THRAP3: variants seen among roughly 807,000 people sequenced by gnomAD.
THRAP3 encodes the protein thyroid hormone receptor associated protein 3.
A neutral mutation model predicts 101.0 loss-of-function variants in THRAP3; 16 were observed. The ratio of observed to expected loss-of-function variants is 0.16; its 90% CI spans 0.11 to 0.24. The LOEUF (loss-of-function observed/expected upper bound fraction) is 0.24, where lower values mean the gene tolerates loss of function less well. Among genes scored for constraint, THRAP3 ranks in the 10% least tolerant of loss-of-function variants. The probability of loss-of-function intolerance (pLI) is 1.00; values close to 1 mark genes in which losing one functional copy is unlikely to be tolerated. For synonymous variants in THRAP3, 407 were observed against 422.6 expected (o/e 0.96, Z 0.45); for missense variants, 989 against 1,202.7 (o/e 0.82, Z 2.63).
chr1:36,246,224 C>T (rs1483863734), intron 1 of THRAP3, among the ~76,000 whole-genome samples: 1 of 152,124 alleles, frequency 6.6e-6, no homozygotes, highest in Non-Finnish European at 1.5e-5. Context: ...AGTATTATAT[C>T]TGTGAGAATT....
intron 6 of THRAP3, among the ~76,000 whole-genome samples, chr1:36,292,304 C>T (rs1190442407): frequency 9.6e-4 from 84 of 87,624 alleles, no homozygotes; most frequent in African/African-American, 3.4e-3. Flanking sequence ...CGGAGTCTTG[C>T]TCTGTTGCCC....
chr1:36,238,834 T>C (rs951455896), intron 1 of THRAP3, among the ~76,000 whole-genome samples: 1 of 152,042 alleles, frequency 6.6e-6, no homozygotes, highest in Middle Eastern at 3.2e-3. Flanking sequence ...CCTGAGAGGA[T>C]CGAGTGATCC....
chr1:36,275,602 A>AAAAGG (rs1553122394), intron 2 of THRAP3, among the ~76,000 whole-genome samples: 1 of 126,984 alleles, frequency 7.9e-6, no homozygotes, highest in African/African-American at 3.0e-5. Context: ...AAAAAAAAAA[A>AAAAGG]AAGTCTTCTT....
intron 1 of THRAP3, among the ~76,000 whole-genome samples, chr1:36,226,253 C>A (rs545515872): frequency 1.3e-5 from 2 of 151,974 alleles, no homozygotes; most frequent in Admixed American, 1.3e-4. Flanking sequence ...CACAGACATA[C>A]GATTTATTAT....
the THRAP3 span, among the ~76,000 whole-genome samples, chr1:36,214,040 AAGAAAGAAAG>A: frequency 7.3e-6 from 1 of 136,464 alleles, no homozygotes; most frequent in Non-Finnish European, 1.6e-5. Context: ...GAAAGAAAGA[AAGAAAGAAAG>A]AAAGAAAGAA....
intron 1 of THRAP3, among the ~76,000 whole-genome samples, chr1:36,241,382 G>GGT (rs1409659953): frequency 1.9e-3 from 31 of 16,644 alleles, no homozygotes; most frequent in African/African-American, 3.8e-3. Context: ...AATGATAATG[G>GGT]GTGTATATAT....
At chr1:36,242,768 A>G (rs902716786) in intron 1 of THRAP3, among the ~76,000 whole-genome samples, 1 of 152,134 alleles carries the variant, frequency 6.6e-6, no homozygotes, top group Non-Finnish European at 1.5e-5. Context: ...TGATTTTCTA[A>G]GGCATATAGA....
chr1:36,264,084 G>T (rs1054785426), intron 2 of THRAP3, among the ~76,000 whole-genome samples: 11 of 152,184 alleles, frequency 7.2e-5, no homozygotes, highest in African/African-American at 1.4e-4. Flanking sequence ...TTTTGAGACG[G>T]AGTCTCGCTC....
At chr1:36,284,319 CACTT>C (rs1440703713) in intron 3 of THRAP3, among the ~76,000 whole-genome samples, 2 of 152,188 alleles carry the variant, frequency 1.3e-5, no homozygotes, top group Non-Finnish European at 2.9e-5. Flanking sequence ...GGTCTAGAGA[CACTT>C]TACATGCTAT....
At chr1:36,290,086 ACTT>A (rs1645846616) in intron 5 of THRAP3, among the ~76,000 whole-genome samples, 1 of 152,080 alleles carries the variant, frequency 6.6e-6, no homozygotes. Flanking sequence ...TCCTGGATCC[ACTT>A]CTTCGTTCCT....
intron 1 of THRAP3, among the ~76,000 whole-genome samples, chr1:36,253,082 A>G (rs941833702): frequency 6.6e-6 from 1 of 151,654 alleles, no homozygotes; most frequent in Admixed American, 6.6e-5. Context: ...GTGCCTTTCA[A>G]AATTGATGGC....
chr1:36,278,414 A>G (rs554821388), intron 2 of THRAP3, among the ~76,000 whole-genome samples: 5 of 152,182 alleles, frequency 3.3e-5, no homozygotes, highest in African/African-American at 1.2e-4. Context: ...TTTAAACACA[A>G]TTGTGTTTTA....
intron 9 of THRAP3, 70 bp from the exon 10 acceptor site, chr1:36,300,816 C>A: frequency 6.7e-7 from 1 of 1,503,400 alleles, no homozygotes; most frequent in Non-Finnish European, 9.2e-7. Flanking sequence ...CTGTGCTTAT[C>A]CATGAGGCCC....
chr1:36,226,284 A>G (rs981366298), intron 1 of THRAP3, among the ~76,000 whole-genome samples: 3 of 151,994 alleles, frequency 2.0e-5, no homozygotes, highest in Non-Finnish European at 2.9e-5. Context: ...TTTTGAGACA[A>G]AGTCTCGCGC....
At chr1:36,214,009 A>AG in the THRAP3 span, among the ~76,000 whole-genome samples, 32 of 60,656 alleles carry the variant, frequency 5.3e-4, no homozygotes, top group Admixed American at 8.8e-4. Flanking sequence ...AAAGAAAGAA[A>AG]GAAAGAAAGA....
chr1:36,242,437 G>A (rs944573878), intron 1 of THRAP3, among the ~76,000 whole-genome samples: 1 of 148,020 alleles, frequency 6.8e-6, no homozygotes, highest in Non-Finnish European at 1.5e-5. Flanking sequence ...ACAGGTGCGA[G>A]CCGTCTGTTT....
At chr1:36,259,336 GCATTTGGGTAGC>G (rs1179700518) in intron 1 of THRAP3, 34 bp from the exon 2 acceptor site, 1 of 398,274 alleles carries the variant, frequency 2.5e-6, no homozygotes, top group Non-Finnish European at 4.4e-6. Context: ...AACAGAATCT[GCATTTGGGTAGC>G]CATTTTATCA....
chr1:36,304,205 A>ATGGGGCCCAGGGG lies in THRAP3; in HGVS notation c.*190_*202dup. 1 of 850,658 alleles carries ATGGGGCCCAGGGG rather than the reference A, an allele frequency of 1.2e-6. No individual in the cohort carries two copies. The highest frequency in any genetic ancestry group is 1.7e-6 in the Non-Finnish European group (1 of 598,598). The allele number at this position is 850,658 out of a possible 1,614,324, so 52.7% of individuals were successfully genotyped here. The stretch of plus-strand genomic sequence containing the variant: ...TCCCACTGGACAGAGGAGGCTGGCC[A>ATGGGGCCCAGGGG]TGGGGCCCAGGGGTCAGGCCCAGCT... On this transcript the variant is annotated 3_prime_UTR_variant, in exon 12 of 12. Transcript: ENST00000354618.
intron 1 of THRAP3, among the ~76,000 whole-genome samples, chr1:36,251,008 A>G (rs573170254): frequency 6.6e-6 from 1 of 152,110 alleles, no homozygotes; most frequent in South Asian, 2.1e-4. Flanking sequence ...TGGCCTTCCA[A>G]AGTGCTGAGA....
Sources: allele counts gnomAD v4.1 joint callset (sites outside exome capture counted in the v4.1 genomes callset), GRCh38; gene constraint gnomAD v4.1.1; transcripts MANE v1.5; gene names NCBI Gene and HGNC (gene_info 2026-07-23, HGNC 2026-07-21).